The following CTDSP1 variants were observed in gnomAD, a reference collection of about 807,000 sequenced individuals.
CTDSP1 encodes carboxy-terminal domain RNA polymerase II polypeptide A small phosphatase 1.
A neutral mutation model predicts 32.5 loss-of-function variants in CTDSP1; 15 were observed. The observed-to-expected ratio is 0.46, with a 90% CI of 0.31 to 0.71. The LOEUF (loss-of-function observed/expected upper bound fraction) is 0.71, where lower values mean the gene tolerates loss of function less well. Among genes scored for constraint, CTDSP1 ranks in the 30% least tolerant of loss-of-function variants. CTDSP1 has a pLI of 0.05. For synonymous variants in CTDSP1, 185 were observed against 145.4 expected (o/e 1.27, Z -1.96); for missense variants, 294 against 351.1 (o/e 0.84, Z 1.30).
chr2:218,404,226 A>C, intron 6 of CTDSP1, 71 bp from the exon 7 acceptor site: 1 of 1,573,878 alleles, frequency 6.4e-7, no homozygotes, highest in Admixed American at 1.7e-5. Flanking sequence ...TAGTGGCTAC[A>C]TAGGGCTGGC....
upstream of CTDSP1, chr2:218,396,578 C>T (rs955696033): frequency 6.6e-6 from 1 of 152,432 alleles, no homozygotes; most frequent in African/African-American, 2.4e-5. Context: ...GCGAGTGGGT[C>T]CCTCAAGGAG....
upstream of CTDSP1, chr2:218,396,532 T>C (rs1357853925): frequency 1.3e-5 from 2 of 152,402 alleles, 1 homozygote; most frequent in South Asian, 4.1e-4. Flanking sequence ...CGCTTGTTTA[T>C]GAGAAGAATT....
rs954785777 is a variant in CTDSP1, at chr2:218,400,033, G to C, written c.-58G>C. The C allele has an allele frequency of 2.9e-5, 31 of 1,063,566 alleles. No individual in the cohort carries two copies. The highest frequency in any genetic ancestry group is 2.9e-4 in the African/African-American group (16 of 55,706). The allele number at this position is 1,063,566 out of a possible 1,614,324, so 65.9% of individuals were successfully genotyped here. On this transcript the variant is annotated 5_prime_UTR_variant, in exon 1 of 7. Coordinates refer to ENST00000273062, the MANE Select transcript of CTDSP1 (RefSeq NM_021198.3). ...CCGCGCCCCGATTCCGGCCCCAGCC[G>C]GGGGGGAGGCCGGGCGCCCGGGCCA...
chr2:218,401,294 C>T, intron 1 of CTDSP1: 4 of 532,970 alleles, frequency 7.5e-6, no homozygotes, highest in Non-Finnish European at 1.0e-5. Flanking sequence ...GGAGAGAGCA[C>T]CCCAGGACCT....
At position 218,401,737 on chromosome 2, in the gene CTDSP1, C is replaced by T. The variant is rs2227253; in HGVS notation, c.216+25C>T. Reference sequence around the variant, plus strand: ...GGTGCGTGGGGGCCAGGTGGGGCCACGGGGGCACCTGGACTCAGTCTTCAG... The same window carrying T: ...GGTGCGTGGGGGCCAGGTGGGGCCATGGGGGCACCTGGACTCAGTCTTCAG... On this transcript the variant is annotated intron_variant, in intron 2 of 6. Coordinates refer to ENST00000273062, the MANE Select transcript of CTDSP1 (RefSeq NM_021198.3). 1.1e-4 allele frequency: 172 copies of T among 1,532,550 alleles called. No homozygotes were observed. In the African/African-American group the frequency reaches 1.4e-3, roughly 12 times the overall value. The allele number at this position is 1,532,550 out of a possible 1,614,324, so 94.9% of individuals were successfully genotyped here. A position where few individuals can be genotyped will look rare whatever the true frequency, so the allele number is the denominator to read the frequency against.
rs763310373 is a variant in CTDSP1 at position 218,402,159 on chromosome 2, G to A, written c.265G>A (p.Asp89Asn). Residue 89 changes from aspartate to asparagine, a missense_variant, in exon 3 of 7, where the codon GAC becomes AAC. By Grantham distance (23) the Asp-to-Asn change is conservative (BLOSUM62 1). This residue lies in a region of CTDSP1 where 148 missense variants were observed against 113.3 expected (regional missense o/e 1.31). Coordinates refer to ENST00000273062, the MANE Select transcript of CTDSP1 (RefSeq NM_021198.3). ...LLPEAKAQDSDKICVVIDLDE... is the reference protein window; with the variant it reads ...LLPEAKAQDSNKICVVIDLDE... Reference sequence around the variant, plus strand: ...CCCTGAGGCCAAGGCCCAGGACTCAGACAAGATCTGCGTGGTCATCGACCT... The same window carrying A: ...CCCTGAGGCCAAGGCCCAGGACTCAAACAAGATCTGCGTGGTCATCGACCT... 3 of 1,613,722 alleles carry A rather than the reference G, an allele frequency of 1.9e-6. No individual in the cohort carries two copies. Among genetic ancestry groups the A allele is most frequent in the South Asian group, 2.2e-5 (2 of 91,066 alleles).
chr2:218,402,524 G>A, intron 4 of CTDSP1, 119 bp downstream of exon 4: 2 of 1,035,818 alleles, frequency 1.9e-6, no homozygotes, highest in Non-Finnish European at 3.0e-6. Context: ...CAGAGGCCCA[G>A]AGAGGGTGTG....
intron 4 of CTDSP1, chr2:218,402,730 C>T: frequency 1.3e-6 from 1 of 755,406 alleles, no homozygotes. Flanking sequence ...CGGTGCCCTG[C>T]AGCCTTGGGG....
rs919463044 is a variant in CTDSP1 at position 218,404,667 on chromosome 2, C to T, written c.*242C>T. 13 of 461,376 alleles carry T rather than the reference C, an allele frequency of 2.8e-5. No homozygotes were observed. The highest frequency in any genetic ancestry group is 2.0e-4 in the African/African-American group (10 of 50,268). 28.6% of individuals were successfully genotyped at this position (461,376 alleles called of 1,614,324 possible). On this transcript the variant is annotated 3_prime_UTR_variant, in exon 7 of 7. Coordinates refer to ENST00000273062, the MANE Select transcript of CTDSP1 (RefSeq NM_021198.3). ...ACCTCCTCCCCTATTCTCAGGGGAC[C>T]TGGGGGGCCCTGCCTGCTGCTCCCT...
At chr2:218,402,686 G>A (rs1303315141) in intron 4 of CTDSP1, 5 of 764,496 alleles carry the variant, frequency 6.5e-6, no homozygotes, top group Non-Finnish European at 1.2e-5. Context: ...GTTGTGTGCT[G>A]TCCAGCCTGT....
upstream of CTDSP1, chr2:218,396,930 C>G (rs1025228779): frequency 2.0e-5 from 3 of 152,372 alleles, no homozygotes; most frequent in Admixed American, 6.5e-5. Flanking sequence ...GCTGTGCAAA[C>G]AAGTCCCTGT....
rs1574801135 is a variant in CTDSP1 at position 218,403,664 on chromosome 2, T to C, written c.657+247T>C. ...AGGGGCCCCCACAGGGCAACGGAGT[T>C]TGGAAAGTTTCAATTTTTCGAATTG... is the stretch of plus-strand genomic sequence containing the variant. On this transcript the variant is annotated intron_variant, in intron 6 of 6. Coordinates refer to ENST00000273062, the MANE Select transcript of CTDSP1 (RefSeq NM_021198.3). 3 of 418,664 alleles carry C rather than the reference T, an allele frequency of 7.2e-6. No individual in the cohort carries two copies. The East Asian group carries it at 1.1e-4, about 15-fold the overall frequency. 25.9% of individuals were successfully genotyped at this position (418,664 alleles called of 1,614,324 possible). A position where few individuals can be genotyped will look rare whatever the true frequency, so the allele number is the denominator to read the frequency against.
At chr2:218,398,463 C>G (rs968315717), upstream of CTDSP1, 3 of 1,530,724 alleles carry the variant, frequency 2.0e-6, no homozygotes, top group South Asian at 3.6e-5. Context: ...GCCGAGGGAT[C>G]CAGCCCGGGG....
In CTDSP1 at chr2:218,400,034, G is replaced by T. The variant is rs549174201; in HGVS notation, c.-57G>T. 1.6e-4 allele frequency: 206 copies of T among 1,314,896 alleles called. No individual in the cohort carries two copies. The highest frequency in any genetic ancestry group is 3.4e-4 in the Admixed American group (8 of 23,716). The allele number at this position is 1,314,896 out of a possible 1,614,324, so 81.5% of individuals were successfully genotyped here. On this transcript the variant is annotated 5_prime_UTR_variant, in exon 1 of 7. Transcript: ENST00000273062. Reference sequence around the variant, plus strand: ...CGCGCCCCGATTCCGGCCCCAGCCGGGGGGGAGGCCGGGCGCCCGGGCCAG... The same window carrying T: ...CGCGCCCCGATTCCGGCCCCAGCCGTGGGGGAGGCCGGGCGCCCGGGCCAG...
rs762049680 is a variant in CTDSP1, at chr2:218,403,446, C to T, written c.657+29C>T. The T allele has an allele frequency of 3.2e-6, 5 of 1,547,808 alleles. No individual in the cohort carries two copies. The South Asian group carries it at 3.6e-5, about 11-fold the overall frequency. Reference sequence around the variant, plus strand: ...AGTGCGGGCTGGACTGGGACTGGGACAGGAGCTGAGACCCAGGAAGGGGTC... The same window carrying T: ...AGTGCGGGCTGGACTGGGACTGGGATAGGAGCTGAGACCCAGGAAGGGGTC... On this transcript the variant is annotated intron_variant, in intron 6 of 6. Transcript: ENST00000273062.
intron 6 of CTDSP1, 56 bp downstream of exon 6, chr2:218,403,473 G>T: frequency 6.7e-7 from 1 of 1,485,800 alleles, no homozygotes; most frequent in Non-Finnish European, 9.0e-7. Context: ...GAAGGGGTCA[G>T]TCCATTCAGG....
rs1293541815 is a variant in CTDSP1 at position 218,400,007 on chromosome 2, C to T, written c.-84C>T. On this transcript the variant is annotated 5_prime_UTR_variant, in exon 1 of 7. Transcript: ENST00000273062. ...CCTCCCTCCCACCCCTCCCCTCCCC[C>T]CCGCGCCCCGATTCCGGCCCCAGCC... 2.3e-6 allele frequency: 3 copies of T among 1,310,130 alleles called. No homozygotes were observed. Among genetic ancestry groups the T allele is most frequent in the Admixed American group, 4.1e-5 (1 of 24,114 alleles). 81.2% of individuals were successfully genotyped at this position (1,310,130 alleles called of 1,614,324 possible). A position where few individuals can be genotyped will look rare whatever the true frequency, so the allele number is the denominator to read the frequency against.
chr2:218,402,569 C>CT (rs990236769), intron 4 of CTDSP1, 164 bp downstream of exon 4: 1 of 794,730 alleles, frequency 1.3e-6, no homozygotes, highest in African/African-American at 1.7e-5. Flanking sequence ...ACCTCAAGGG[C>CT]TTGTGCTGAC....
chr2:218,401,892 A>G (rs1697164506), intron 2 of CTDSP1, among the ~76,000 whole-genome samples, 180 bp downstream of exon 2: 3 of 152,170 alleles, frequency 2.0e-5, no homozygotes, highest in Admixed American at 1.3e-4. Flanking sequence ...ATTCTCCCTC[A>G]TAAGTGGAAG....
Sources: allele counts gnomAD v4.1 joint callset (sites outside exome capture counted in the v4.1 genomes callset), GRCh38; gene constraint gnomAD v4.1.1; regional missense constraint gnomAD v4.1.1; transcripts MANE v1.5; gene names NCBI Gene and HGNC (gene_info 2026-07-23, HGNC 2026-07-21).